Variants in GCC1 observed in about 807,000 individuals in gnomAD.
The protein encoded by GCC1 is GRIP and coiled-coil domain containing 1.
Under a neutral mutation model 62.5 loss-of-function variants are expected in GCC1, and 36 were observed. The ratio of observed to expected loss-of-function variants is 0.58; its 90% confidence interval spans 0.44 to 0.76. GCC1 has a LOEUF of 0.76. Ranked by LOEUF, GCC1 falls within the 30% of genes least tolerant of loss-of-function variation. The pLI is 0.00. For synonymous variants in GCC1, 391 were observed against 386.8 expected (o/e 1.01, Z -0.13); for missense variants, 885 against 948.3 (o/e 0.93, Z 0.88).
rs1226252918 is a variant in GCC1 at position 127,581,367 on chromosome 7, A to AAGCACC, written c.*646_*647insGGTGCT. 1 of 152,294 alleles carries AAGCACC rather than the reference A, an allele frequency of 6.6e-6. No individual in the cohort carries two copies. The highest frequency in any genetic ancestry group is 1.5e-5 in the Non-Finnish European group (1 of 68,112). The allele number at this position is 152,294 out of a possible 1,614,324, so 9.4% of individuals were successfully genotyped here. On this transcript the variant is annotated 3_prime_UTR_variant, in exon 2 of 2. Coordinates refer to ENST00000321407, the MANE Select transcript of GCC1 (RefSeq NM_024523.6). The stretch of plus-strand genomic sequence containing the variant: ...GGTTACTTTGGAAATCCCTAAGATC[A>AAGCACC]AGCTGGTGCTCAGGGCCCTCTCTAG...
In GCC1 at chr7:127,583,233, A is replaced by G. The variant is rs1794160577; in HGVS notation, c.1109T>C (p.Ile370Thr). 6.2e-7 allele frequency: 1 copy of G among 1,613,728 alleles called. No homozygotes were observed. Among genetic ancestry groups the G allele is most frequent in the Non-Finnish European group, 8.5e-7 (1 of 1,179,956 alleles). Residue 370 changes from isoleucine (I) to threonine (T), a missense_variant, in exon 2 of 2, where the codon ATA (isoleucine) becomes ACA (threonine). By Grantham distance (89) the Ile-to-Thr change is moderately conservative. Transcript: ENST00000321407. Reference protein sequence around the residue: ...EQRVAALENQISEVSELLGTY... With the variant: ...EQRVAALENQTSEVSELLGTY... ...GCCTAGCAGCTCAGACACCTCGGAT[A>G]TTTGATTCTCCAGGGCTGCCACCCT...
chr7:127,583,248 G>A lies in GCC1; in HGVS notation c.1094C>T (p.Ala365Val). ...CACCTCGGATATTTGATTCTCCAGG[G>A]CTGCCACCCTCTGTTCTTCTACCTG... ...QSQVEEQRVA[A>V]LENQISEVSE... The change falls in exon 2 of 2, where the codon GCC becomes GTC. Residue 365 changes from alanine to valine, a missense_variant. Ala to Val is a moderately conservative substitution (Grantham distance 64). Transcript: ENST00000321407. The A allele has an allele frequency of 6.2e-7, 1 of 1,612,996 alleles. No homozygotes were observed. The highest frequency in any genetic ancestry group is 8.5e-7 in the Non-Finnish European group (1 of 1,179,500).
At position 127,581,580 on chromosome 7, in the gene GCC1, G is replaced by A. The variant is rs1250060965; in HGVS notation, c.*434C>T. ...GTCCCCAGAGAATTGGGGTAGCAATGGACCAGACTCAGACTGTGATGAGAG... is the reference window on the plus strand; with the variant it reads ...GTCCCCAGAGAATTGGGGTAGCAATAGACCAGACTCAGACTGTGATGAGAG... On this transcript the variant is annotated 3_prime_UTR_variant, in exon 2 of 2. Transcript: ENST00000321407. 1 of 158,894 alleles carries A rather than the reference G, an allele frequency of 6.3e-6. No homozygotes were observed. Among genetic ancestry groups the A allele is most frequent in the African/African-American group, 2.4e-5 (1 of 41,548 alleles). 9.8% of individuals were successfully genotyped at this position (158,894 alleles called of 1,614,324 possible). A position where few individuals can be genotyped will look rare whatever the true frequency, so the allele number is the denominator to read the frequency against.
chr7:127,584,501 G>C lies in GCC1; in HGVS notation c.682C>G (p.Arg228Gly), dbSNP rs1164207994. 4 of 1,613,864 alleles carry C rather than the reference G, an allele frequency of 2.5e-6. No individual in the cohort carries two copies. In the African/African-American group the frequency reaches 5.3e-5, roughly 22 times the overall value. The part of the protein sequence containing the change: ...LQEQIAETKA[R>G]LITQQHDRAQ... ...CGATCATGCTGCTGCGTGATAAGCC[G>C]GGCTTTGGTTTCTGCTATTTGCTCC... Residue 228 changes from arginine to glycine, a missense_variant, in exon 1 of 2, where the codon CGG becomes GGG. Coordinates refer to ENST00000321407, the MANE Select transcript of GCC1 (RefSeq NM_024523.6).
At position 127,581,958 on chromosome 7, in the gene GCC1, C is replaced by T; in HGVS notation, c.*56G>A. The stretch of plus-strand genomic sequence containing the variant: ...GAGAAGAGGCAGCAGAAACCAGAGC[C>T]TGCCCTTTCCCACATAAAAGAGGCA... On this transcript the variant is annotated 3_prime_UTR_variant, in exon 2 of 2. Coordinates refer to ENST00000321407, the MANE Select transcript of GCC1 (RefSeq NM_024523.6). 7.5e-7 allele frequency: 1 copy of T among 1,338,984 alleles called. No individual in the cohort carries two copies. Among genetic ancestry groups the T allele is most frequent in the Non-Finnish European group, 1.1e-6 (1 of 949,152 alleles). The allele number at this position is 1,338,984 out of a possible 1,614,324, so 82.9% of individuals were successfully genotyped here.
Position 127,584,654 on chromosome 7 carries a change from G to C in GCC1, c.529C>G (p.Gln177Glu), listed in dbSNP as rs760254098. The change falls in exon 1 of 2, where the codon CAG (glutamine) becomes GAG (glutamate). Residue 177 changes from glutamine to glutamate, a missense_variant. Physicochemically the swap from Gln to Glu is conservative, Grantham distance 29 (BLOSUM62 2). Coordinates refer to ENST00000321407, the MANE Select transcript of GCC1 (RefSeq NM_024523.6). ...TLTSSLATVT[Q>E]EKSRMEASYL... ...GAAGCCTCCATGCGGGACTTCTCCT[G>C]AGTGACTGTAGCCAAAGAACTGGTC... The C allele has an allele frequency of 1.2e-6, 2 of 1,614,140 alleles. No homozygotes were observed. Among genetic ancestry groups the C allele is most frequent in the Non-Finnish European group, 1.7e-6 (2 of 1,180,042 alleles).
rs1794189715 is a variant in GCC1, at chr7:127,585,306, C to T, written c.-124G>A. 5.6e-6 allele frequency: 5 copies of T among 888,286 alleles called. No individual in the cohort carries two copies. In the South Asian group the frequency reaches 8.5e-5, roughly 15 times the overall value. The allele number at this position is 888,286 out of a possible 1,614,324, so 55.0% of individuals were successfully genotyped here. A position where few individuals can be genotyped will look rare whatever the true frequency, so the allele number is the denominator to read the frequency against. On this transcript the variant is annotated 5_prime_UTR_variant, in exon 1 of 2. Coordinates refer to ENST00000321407, the MANE Select transcript of GCC1 (RefSeq NM_024523.6). Reference sequence around the variant, plus strand: ...TCCGGCGGCGGGCCGCACACCTACTCCACCTAGTTATCCCGGACCTAATGC... The same window carrying T: ...TCCGGCGGCGGGCCGCACACCTACTTCACCTAGTTATCCCGGACCTAATGC...
Position 127,581,759 on chromosome 7 carries a change from G to C in GCC1, c.*255C>G. ...ACTGTTCCAACTTCTGCACTTCTCA[G>C]TCCTAACCTCATCTTCTCCTCACAT... On this transcript the variant is annotated 3_prime_UTR_variant, in exon 2 of 2. Coordinates refer to ENST00000321407, the MANE Select transcript of GCC1 (RefSeq NM_024523.6). The C allele has an allele frequency of 7.7e-6, 4 of 516,308 alleles. No homozygotes were observed. The highest frequency in any genetic ancestry group is 1.4e-5 in the Non-Finnish European group (4 of 290,076). 32.0% of individuals were successfully genotyped at this position (516,308 alleles called of 1,614,324 possible). A position where few individuals can be genotyped will look rare whatever the true frequency, so the allele number is the denominator to read the frequency against.
intron 1 of GCC1, among the ~76,000 whole-genome samples, chr7:127,583,816 C>G (rs1794166931): frequency 6.6e-6 from 1 of 152,196 alleles, no homozygotes; most frequent in South Asian, 2.1e-4. Flanking sequence ...GCCACTCTTC[C>G]TAGAGGCACA....
Position 127,585,151 on chromosome 7 carries a change from C to T in GCC1, c.32G>A (p.Gly11Asp). Residue 11 changes from glycine (G) to aspartate (D), a missense_variant, in exon 1 of 2, where the codon GGC becomes GAC. Coordinates refer to ENST00000321407, the MANE Select transcript of GCC1 (RefSeq NM_024523.6). MEKFGMNFGG[G>D]PSKKDLLETI... ...CTCCAGCAAGTCCTTCTTGCTCGGG[C>T]CGCCCCCGAAATTCATCCCAAACTT... 1 of 1,605,784 alleles carries T rather than the reference C, an allele frequency of 6.2e-7. No individual in the cohort carries two copies. The highest frequency in any genetic ancestry group is 8.5e-7 in the Non-Finnish European group (1 of 1,176,082).
At position 127,584,737 on chromosome 7, in the gene GCC1, A is replaced by G; in HGVS notation, c.446T>C (p.Phe149Ser). The G allele has an allele frequency of 6.2e-7, 1 of 1,614,112 alleles. No individual in the cohort carries two copies. Reference sequence around the variant, plus strand: ...TCTTTTGTCCACCTCCCCACCTGCAAATGGCCCATCCCCACTGCTACTGCT... The same window carrying G: ...TCTTTTGTCCACCTCCCCACCTGCAGATGGCCCATCCCCACTGCTACTGCT... ...GVSSSSGDGP[F>S]AGGEVDKRLH... is the part of the protein sequence containing the mutation. The change falls in exon 1 of 2, where the codon TTT becomes TCT. Residue 149 changes from phenylalanine to serine, a missense_variant. Transcript: ENST00000321407.
At position 127,582,357 on chromosome 7, in the gene GCC1, C is replaced by T. The variant is rs776237823; in HGVS notation, c.1985G>A (p.Arg662His). The change falls in exon 2 of 2, where the codon CGC becomes CAC. Residue 662 changes from arginine to histidine, a missense_variant. Transcript: ENST00000321407. This position sits in a 1 kb window ranked among gnomAD's most constrained non-coding sequence, Gnocchi z 4.8. ...TFFLYAEQLA[R>H]KEVEITSLRK... ...CAGTGATGTGATCTCCACCTCCTTG[C>T]GGGCCAGTTGCTCAGCGTACAGAAA... is the stretch of plus-strand genomic sequence containing the variant. The T allele has an allele frequency of 6.8e-6, 11 of 1,614,112 alleles. No homozygotes were observed. Among genetic ancestry groups the T allele is most frequent in the East Asian group, 2.2e-5 (1 of 44,892 alleles).
At position 127,585,350 on chromosome 7, in the gene GCC1, G is replaced by A. The variant is rs1224777113; in HGVS notation, c.-168C>T. The A allele has an allele frequency of 1.5e-6, 1 of 673,690 alleles. No homozygotes were observed. Among genetic ancestry groups the A allele is most frequent in the Admixed American group, 3.2e-5 (1 of 31,402 alleles). The allele number at this position is 673,690 out of a possible 1,614,324, so 41.7% of individuals were successfully genotyped here. The stretch of plus-strand genomic sequence containing the variant: ...CTAATGCGGAACGGCCGGACGGACT[G>A]GCGAAAGCGGCCGCCCGGTCCCAGG... On this transcript the variant is annotated 5_prime_UTR_variant, in exon 1 of 2. Transcript: ENST00000321407.
Position 127,582,078 on chromosome 7 carries a change from T to G in GCC1, c.2264A>C (p.Glu755Ala). ...AILTILHFSPEEKQVIMRLPT... is the reference protein window; with the variant it reads ...AILTILHFSPAEKQVIMRLPT... ...GAGTCGCATTATCACTTGTTTCTCC[T>G]CTGGACTGAAGTGCAAGATAGTCAG... The change falls in exon 2 of 2, where the codon GAG (glutamate) becomes GCG (alanine). Residue 755 changes from glutamate (E) to alanine (A), a missense_variant. Physicochemically the swap from Glu to Ala is moderately radical, Grantham distance 107. Transcript: ENST00000321407. This position sits in a 1 kb window ranked among gnomAD's most constrained non-coding sequence, Gnocchi z 4.8. The G allele has an allele frequency of 6.2e-7, 1 of 1,614,184 alleles. No homozygotes were observed. Among genetic ancestry groups the G allele is most frequent in the Non-Finnish European group, 8.5e-7 (1 of 1,180,026 alleles).
Position 127,584,227 on chromosome 7 carries a change from C to T in GCC1, c.956G>A (p.Arg319Gln), listed in dbSNP as rs774330363. ...AGCCTCTTCCTGAAGTTCTTGCAGC[C>T]GGGGATCTGGCTGATTCTTCTCATC... Reference protein sequence around the residue: ...IRDEKNQPDPRLQELQEEAAR... With the variant: ...IRDEKNQPDPQLQELQEEAAR... Residue 319 changes from arginine (R) to glutamine (Q), a missense_variant, in exon 1 of 2, where the codon CGG becomes CAG. Transcript: ENST00000321407. The T allele has an allele frequency of 3.1e-6, 5 of 1,613,680 alleles. No homozygotes were observed. In the Middle Eastern group the frequency reaches 4.9e-4, roughly 160 times the overall value.
In GCC1 at chr7:127,581,431, G is replaced by C. The variant is rs1794132657; in HGVS notation, c.*583C>G. On this transcript the variant is annotated 3_prime_UTR_variant, in exon 2 of 2. Transcript: ENST00000321407. ...GGTGTGATTGCATAGGTCATCCCCA[G>C]GCACTAATTAGACTAAGCTTCCCAG... 1 of 153,586 alleles carries C rather than the reference G, an allele frequency of 6.5e-6. No individual in the cohort carries two copies. The highest frequency in any genetic ancestry group is 1.4e-5 in the Non-Finnish European group (1 of 69,102). The allele number at this position is 153,586 out of a possible 1,614,324, so 9.5% of individuals were successfully genotyped here.
rs1181830831 is a variant in GCC1 at position 127,585,081 on chromosome 7, C to T, written c.102G>A (p.Arg34=). The change falls in exon 1 of 2, where the codon CGG becomes CGA. Residue 34 remains arginine, a synonymous_variant. Coordinates refer to ENST00000321407, the MANE Select transcript of GCC1 (RefSeq NM_024523.6). ...QKKQLLQYQA[R]LKDVVRAYKS... ...TATAGGCACGGACCACATCCTTGAG[C>T]CGTGCCTGGTACTGGAGAAGCTGCT... 6.2e-7 allele frequency: 1 copy of T among 1,614,160 alleles called. No individual in the cohort carries two copies. The highest frequency in any genetic ancestry group is 1.7e-5 in the Admixed American group (1 of 60,034).
In GCC1 at chr7:127,585,562, T is replaced by TC. The variant is rs1171406542; in HGVS notation, c.-381dup. On this transcript the variant is annotated 5_prime_UTR_variant, in exon 1 of 2. An upstream open reading frame in the 5' UTR loses its in-frame stop. Coordinates refer to ENST00000321407, the MANE Select transcript of GCC1 (RefSeq NM_024523.6). ...GAGGGTTACGCTGAGCTCGGTCCCA[T>TC]CACGACATCCTAACTAAAGCTGCCT... 1.0e-5 allele frequency: 2 copies of TC among 195,428 alleles called. No homozygotes were observed. The highest frequency in any genetic ancestry group is 2.1e-5 in the Non-Finnish European group (2 of 96,490). The allele number at this position is 195,428 out of a possible 1,614,324, so 12.1% of individuals were successfully genotyped here.
Position 127,584,984 on chromosome 7 carries a change from C to G in GCC1, c.199G>C (p.Val67Leu). 6.2e-7 allele frequency: 1 copy of G among 1,614,220 alleles called. No homozygotes were observed. The highest frequency in any genetic ancestry group is 8.5e-7 in the Non-Finnish European group (1 of 1,180,030). Residue 67 changes from valine (V) to leucine (L), a missense_variant, in exon 1 of 2, where the codon GTG becomes CTG. Transcript: ENST00000321407. ...GGAAGCTGGACACCTGCGAGGCCCACATCTGCCTCGTGGGATACCGACAGC... is the reference window on the plus strand; with the variant it reads ...GGAAGCTGGACACCTGCGAGGCCCAGATCTGCCTCGTGGGATACCGACAGC... ...KVLSVSHEAD[V>L]GLAGVQLPGL...
Sources: allele counts gnomAD v4.1 joint callset (sites outside exome capture counted in the v4.1 genomes callset), GRCh38; gene constraint gnomAD v4.1.1; non-coding constraint Gnocchi (gnomAD v3.1); transcripts MANE v1.5; gene names NCBI Gene and HGNC (gene_info 2026-07-23, HGNC 2026-07-21).